Variants in LIMA1 observed in about 807,000 individuals in gnomAD.
The protein encoded by LIMA1 is LIM domain and actin binding 1.
Under a neutral mutation model 62.6 loss-of-function variants are expected in LIMA1, and 52 were observed. That is an observed-to-expected ratio of 0.83 (90% CI 0.67 to 1.05). The LOEUF (loss-of-function observed/expected upper bound fraction) is 1.05, where lower values mean the gene tolerates loss of function less well. Ranked by LOEUF, LIMA1 falls within the 50% of genes least tolerant of loss-of-function variation. The pLI is 0.00. For missense variants in LIMA1, 780 were observed against 902.2 expected, an observed-to-expected ratio of 0.86 and a Z score of 1.74; for synonymous variants, 302 against 317.8, an observed-to-expected ratio of 0.95 and a Z score of 0.53.
intron 1 of LIMA1, among the ~76,000 whole-genome samples, chr12:50,278,769 A>T (rs1323241289): frequency 2.0e-5 from 3 of 152,280 alleles, no homozygotes; most frequent in African/African-American, 4.8e-5. Flanking sequence ...GTTTTCAAAA[A>T]TTTTTGATGC....
At chr12:50,209,648 A>G (rs921216393) in intron 4 of LIMA1, among the ~76,000 whole-genome samples, 5 of 151,666 alleles carry the variant, frequency 3.3e-5, no homozygotes, top group Admixed American at 1.3e-4. Flanking sequence ...GATACCCTCA[A>G]TCCACATTTT....
chr12:50,245,784 G>A (rs1941840188), intron 2 of LIMA1, among the ~76,000 whole-genome samples: 1 of 152,042 alleles, frequency 6.6e-6, no homozygotes, highest in Admixed American at 6.6e-5. Flanking sequence ...ATGAAGGGGA[G>A]GATAACAGTG....
At chr12:50,178,915 G>C (rs1476418306) in intron 10 of LIMA1, among the ~76,000 whole-genome samples, 1 of 150,960 alleles carries the variant, frequency 6.6e-6, no homozygotes, top group Non-Finnish European at 1.5e-5. Context: ...AAGCTTTTGT[G>C]CTTGAATTAA....
At chr12:50,250,580 A>G (rs1941917206) in intron 1 of LIMA1, among the ~76,000 whole-genome samples, 1 of 151,254 alleles carries the variant, frequency 6.6e-6, no homozygotes, top group Non-Finnish European at 1.5e-5. Flanking sequence ...AAAAAAAAAA[A>G]AAAAAAAAGT....
intron 2 of LIMA1, among the ~76,000 whole-genome samples, chr12:50,232,103 C>G (rs928447109): frequency 3.9e-5 from 5 of 128,074 alleles, no homozygotes; most frequent in Non-Finnish European, 6.3e-5. Context: ...AGGCTGGAAT[C>G]CAGTGGTACA....
intron 1 of LIMA1, among the ~76,000 whole-genome samples, chr12:50,275,595 CT>C (rs796109777): frequency 1.3e-5 from 2 of 151,556 alleles, no homozygotes; most frequent in Non-Finnish European, 2.9e-5. Flanking sequence ...TTAGAAAAGG[CT>C]TTTTTTTATT....
intron 3 of LIMA1, chr12:50,229,652 C>T (rs759037855): frequency 2.6e-5 from 4 of 151,966 alleles, no homozygotes; most frequent in Non-Finnish European, 5.9e-5. Context: ...ATGTAACAAA[C>T]CTGCATGTTG....
chr12:50,249,253 T>C (rs1168211966), intron 1 of LIMA1, among the ~76,000 whole-genome samples: 1 of 152,138 alleles, frequency 6.6e-6, no homozygotes, highest in Non-Finnish European at 1.5e-5. Context: ...CGTGGTGTAA[T>C]AGGAAGAGCA....
At chr12:50,185,660 C>T (rs1327482616) in intron 9 of LIMA1, 5 of 358,082 alleles carry the variant, frequency 1.4e-5, no homozygotes, top group African/African-American at 4.3e-5. Flanking sequence ...CTCAGGAGAG[C>T]GAGCTTTTAT....
At chr12:50,252,185 G>C (rs1458627744) in intron 1 of LIMA1, among the ~76,000 whole-genome samples, 2 of 152,122 alleles carry the variant, frequency 1.3e-5, no homozygotes, top group African/African-American at 4.8e-5. Flanking sequence ...TTAAAGAACG[G>C]GCAGAATTTC....
At chr12:50,213,509 AACTG>A (rs1421390470) in intron 4 of LIMA1, among the ~76,000 whole-genome samples, 4 of 152,272 alleles carry the variant, frequency 2.6e-5, no homozygotes, top group African/African-American at 7.2e-5. Context: ...GTAAAGTTCT[AACTG>A]ACTGAGGGCA....
At chr12:50,184,580 T>TGCTGTGA (rs1940584193) in intron 9 of LIMA1, among the ~76,000 whole-genome samples, 1 of 152,122 alleles carries the variant, frequency 6.6e-6, no homozygotes, top group Non-Finnish European at 1.5e-5. Context: ...AAGCAGAAGT[T>TGCTGTGA]GCTGTGAGCT....
intron 1 of LIMA1, among the ~76,000 whole-genome samples, chr12:50,257,588 C>A (rs561558530): frequency 6.6e-6 from 1 of 152,208 alleles, no homozygotes; most frequent in African/African-American, 2.4e-5. Context: ...CCTCCTCCTC[C>A]CTGCTCTTTC....
At position 50,209,683 on chromosome 12, in the gene LIMA1, T is replaced by A. The variant is rs180911807; in HGVS notation, c.631-3615A>T. Among the ~76,000 whole-genome samples, 24 of 152,258 alleles carry A rather than the reference T, an allele frequency of 1.6e-4. No homozygotes were observed. In the East Asian group the frequency reaches 4.4e-3, roughly 28 times the overall value. On this transcript the variant is annotated intron_variant, in intron 4 of 10. Transcript: ENST00000341247. ...TTAATTTTTATTTATTTATTTATTT[T>A]GAGACAGAGTCTTACTCTGTCACCC...
chr12:50,202,537 G>A (rs1450548270), intron 6 of LIMA1, among the ~76,000 whole-genome samples: 1 of 152,178 alleles, frequency 6.6e-6, no homozygotes, highest in Non-Finnish European at 1.5e-5. Context: ...CTCCTGACCT[G>A]CCTTCTAAGG....
rs774822976 is a variant in LIMA1 at position 50,192,444 on chromosome 12, C to T, written c.1140+8G>A. ...GTCCAAAGGCTCAGAGAGAAATTGC[C>T]ATCATACCTTCATTGCTTTGGGAGG... On this transcript the variant is annotated splice_region_variant and intron_variant, in intron 9 of 10. Transcript: ENST00000341247. The T allele has an allele frequency of 6.4e-6, 10 of 1,565,950 alleles. No individual in the cohort carries two copies. Among genetic ancestry groups the T allele is most frequent in the Non-Finnish European group, 8.8e-6 (10 of 1,136,334 alleles).
Position 50,177,375 on chromosome 12 carries a change from CTT to C in LIMA1, c.1967_1968del (p.Lys656ArgfsTer3), listed in dbSNP as rs1487946197. ...CTCTTCCCTGTCTCTCCTTTAGATTCTTTGTTTTGCCAGGTTGTTTTTCCCAC... is the reference window on the plus strand; with the variant it reads ...CTCTTCCCTGTCTCTCCTTTAGATTCTGTTTTGCCAGGTTGTTTTTCCCAC... The part of the protein sequence containing the change: ...GNVGKTTWQN[K>X]ESKGETGKRS... On this transcript the variant is annotated frameshift_variant, in exon 11 of 11. Transcript: ENST00000341247. LOFTEE classifies it low-confidence loss of function (END_TRUNC). 6.2e-7 allele frequency: 1 copy of C among 1,614,150 alleles called. No individual in the cohort carries two copies. Among genetic ancestry groups the C allele is most frequent in the Non-Finnish European group, 8.5e-7 (1 of 1,180,022 alleles).
intron 3 of LIMA1, among the ~76,000 whole-genome samples, chr12:50,224,685 G>A (rs564532875): frequency 3.9e-5 from 6 of 152,274 alleles, no homozygotes; most frequent in African/African-American, 1.4e-4. Flanking sequence ...GATGCTCATA[G>A]GATACTTTTG....
At chr12:50,234,724 C>T (rs1941663571) in intron 2 of LIMA1, among the ~76,000 whole-genome samples, 1 of 152,052 alleles carries the variant, frequency 6.6e-6, no homozygotes, top group Non-Finnish European at 1.5e-5. Flanking sequence ...AGAAAAAAAG[C>T]AGCCTCAGGC....
Sources: allele counts gnomAD v4.1 joint callset (sites outside exome capture counted in the v4.1 genomes callset), GRCh38; gene constraint gnomAD v4.1.1; transcripts MANE v1.5; gene names NCBI Gene and HGNC (gene_info 2026-07-23, HGNC 2026-07-21).